The following IKZF2 variants were observed in gnomAD, a reference collection of about 807,000 sequenced individuals.
IKZF2 encodes IKAROS family zinc finger 2.
A neutral mutation model predicts 49.2 loss-of-function variants in IKZF2; 15 were observed. That is an observed-to-expected ratio of 0.30 (90% CI 0.20 to 0.47). The LOEUF is 0.47. Among genes scored for constraint, IKZF2 ranks in the 20% least tolerant of loss-of-function variants. IKZF2 has a pLI of 1.00. For synonymous variants in IKZF2, 227 were observed against 221.4 expected, an observed-to-expected ratio of 1.03 and a Z score of -0.23; for missense variants, 567 against 664.6, an observed-to-expected ratio of 0.85 and a Z score of 1.61.
At chr2:213,145,573 G>T (rs984316103) in intron 4 of IKZF2, among the ~76,000 whole-genome samples, 2 of 151,966 alleles carry the variant, frequency 1.3e-5, no homozygotes, top group Non-Finnish European at 2.9e-5. Flanking sequence ...ATTAATAGAC[G>T]AGAGTTCCTC....
intron 4 of IKZF2, among the ~76,000 whole-genome samples, chr2:213,077,205 G>T (rs1005493491): frequency 3.9e-5 from 6 of 152,250 alleles, no homozygotes; most frequent in African/African-American, 1.4e-4. Context: ...TGATAATAGT[G>T]AACAAATAAG....
intron 6 of IKZF2, among the ~76,000 whole-genome samples, chr2:213,042,279 G>A (rs1033784707): frequency 6.6e-6 from 1 of 152,162 alleles, no homozygotes; most frequent in African/African-American, 2.4e-5. Flanking sequence ...TCCAGGGTCT[G>A]CCTGTGTGAC....
In IKZF2 at chr2:213,049,787, G is replaced by A. The variant is rs1430123351; in HGVS notation, c.500C>T (p.Pro167Leu). The change falls in exon 6 of 9, where the codon CCG becomes CTG. Residue 167 changes from proline (P) to leucine (L), a missense_variant. Transcript: ENST00000434687. The part of the protein sequence containing the change: ...RHIKLHSGEK[P>L]FKCPFCSYAC... ...GTAGCTACAGAAAGGACATTTGAAC[G>A]GCTTCTCTCCAGAGTGTAACTTTAT... 1 of 1,611,264 alleles carries A rather than the reference G, an allele frequency of 6.2e-7. No individual in the cohort carries two copies.
intron 4 of IKZF2, among the ~76,000 whole-genome samples, chr2:213,139,836 T>C (rs1371498181): frequency 1.3e-5 from 2 of 151,974 alleles, no homozygotes; most frequent in Non-Finnish European, 2.9e-5. Context: ...TTACACACAT[T>C]TGAAAAACTC....
At chr2:213,023,865 C>A (rs1385006585) in intron 6 of IKZF2, among the ~76,000 whole-genome samples, 1 of 152,114 alleles carries the variant, frequency 6.6e-6, no homozygotes, top group Non-Finnish European at 1.5e-5. Context: ...CTCTGTTGTA[C>A]TATGAGCATA....
intron 4 of IKZF2, among the ~76,000 whole-genome samples, chr2:213,142,730 C>T (rs2125961270): frequency 6.6e-6 from 1 of 152,068 alleles, no homozygotes; most frequent in East Asian, 1.9e-4. Flanking sequence ...CACTCACAGT[C>T]TACTGCTTCT....
chr2:213,097,978 CT>C (rs138456330), intron 4 of IKZF2: 3,634 of 306,302 alleles, frequency 0.012, 134 homozygotes, highest in African/African-American at 0.074. Context: ...TTAGAGAAAG[CT>C]TTTTTTACAA....
At chr2:213,040,070 A>G (rs1388061200) in intron 6 of IKZF2, among the ~76,000 whole-genome samples, 1 of 152,110 alleles carries the variant, frequency 6.6e-6, no homozygotes, top group Non-Finnish European at 1.5e-5. Context: ...TTTTTGAGCA[A>G]TACATAATTT....
intron 4 of IKZF2, among the ~76,000 whole-genome samples, chr2:213,124,252 G>GCGCACA (rs1270409984): frequency 1.5e-5 from 2 of 136,322 alleles, no homozygotes; most frequent in African/African-American, 5.4e-5. Context: ...GCGCGCGCGC[G>GCGCACA]CACACACACA....
rs780208805 is a variant in IKZF2, at chr2:213,006,970, T to G, written c.*390A>C. The G allele has an allele frequency of 6.1e-6, 1 of 164,670 alleles. No homozygotes were observed. The highest frequency in any genetic ancestry group is 1.3e-5 in the Non-Finnish European group (1 of 76,048). 10.2% of individuals were successfully genotyped at this position (164,670 alleles called of 1,614,324 possible). On this transcript the variant is annotated 3_prime_UTR_variant, in exon 9 of 9. Coordinates refer to ENST00000434687, the MANE Select transcript of IKZF2 (RefSeq NM_001387220.1). Reference sequence around the variant, plus strand: ...TACCATTTTTAAACCACCAAAGTCCTACCCAGAAAACTCTGAACTTTCCTG... The same window carrying G: ...TACCATTTTTAAACCACCAAAGTCCGACCCAGAAAACTCTGAACTTTCCTG...
chr2:213,150,905 T>C lies in IKZF2; in HGVS notation c.-120+508A>G, dbSNP rs114287184. Among the ~76,000 whole-genome samples the C allele has an allele frequency of 3.2e-5, 4 of 126,096 alleles. No homozygotes were observed. In the South Asian group the frequency reaches 7.9e-4, roughly 25 times the overall value. 82.7% of individuals were successfully genotyped at this position (126,096 alleles called of 152,430 possible). A position where few individuals can be genotyped will look rare whatever the true frequency, so the allele number is the denominator to read the frequency against. On this transcript the variant is annotated intron_variant, in intron 1 of 8. Transcript: ENST00000434687. ...ACATGTGTCATACCAGGGTTTTTGG[T>C]TTTTTTTTTTTTTTAATTCCAACAG...
chr2:213,008,846 T>C (rs896197536), intron 8 of IKZF2, among the ~76,000 whole-genome samples: 3 of 152,016 alleles, frequency 2.0e-5, no homozygotes, highest in Admixed American at 6.6e-5. Flanking sequence ...TAGGGTTAAG[T>C]TGGTTGATTC....
At chr2:213,134,209 G>A (rs2060575149) in intron 4 of IKZF2, among the ~76,000 whole-genome samples, 1 of 152,118 alleles carries the variant, frequency 6.6e-6, no homozygotes, top group African/African-American at 2.4e-5. Context: ...GACAAAAACT[G>A]GATGCAAAAC....
rs1694803036 is a variant in IKZF2 at position 213,000,508 on chromosome 2, A to C, written c.*6852T>G. Reference sequence around the variant, plus strand: ...ATGCAGAAATGCAGTAACTGCCTTTAAAAGAAATGCCAAAGAAATGTTATC... The same window carrying C: ...ATGCAGAAATGCAGTAACTGCCTTTCAAAGAAATGCCAAAGAAATGTTATC... On this transcript the variant is annotated 3_prime_UTR_variant, in exon 9 of 9. Coordinates refer to ENST00000434687, the MANE Select transcript of IKZF2 (RefSeq NM_001387220.1). The C allele has an allele frequency of 6.6e-6, 1 of 151,888 alleles. No homozygotes were observed. Among genetic ancestry groups the C allele is most frequent in the Admixed American group, 6.6e-5 (1 of 15,162 alleles). The allele number at this position is 151,888 out of a possible 1,614,324, so 9.4% of individuals were successfully genotyped here. A position where few individuals can be genotyped will look rare whatever the true frequency, so the allele number is the denominator to read the frequency against.
At chr2:213,090,305 C>G (rs754667791) in intron 4 of IKZF2, among the ~76,000 whole-genome samples, 22 of 152,162 alleles carry the variant, frequency 1.4e-4, no homozygotes, top group Non-Finnish European at 2.9e-5. Context: ...AATCTGCTCA[C>G]TAAAGTATAT....
intron 4 of IKZF2, among the ~76,000 whole-genome samples, chr2:213,131,591 G>C (rs901373345): frequency 1.1e-4 from 16 of 152,166 alleles, no homozygotes; most frequent in African/African-American, 3.9e-4. Context: ...TGGCTGAAAA[G>C]ATGTATATTT....
At chr2:213,110,417 T>A (rs796977923) in intron 4 of IKZF2, among the ~76,000 whole-genome samples, 11 of 152,004 alleles carry the variant, frequency 7.2e-5, no homozygotes, top group African/African-American at 2.6e-4. Context: ...GGGGTTTTTT[T>A]TACCCAACTT....
chr2:213,104,998 C>G lies in IKZF2; in HGVS notation c.139+42710G>C, dbSNP rs576403735. On this transcript the variant is annotated intron_variant, in intron 4 of 8. Transcript: ENST00000434687. ...CCAGGGACCTATGTGGAGCCAACAA[C>G]AAAGGTACTCCAGAGATTCCCTCCC... Among the ~76,000 whole-genome samples, 240 of 152,262 alleles carry G rather than the reference C, an allele frequency of 1.6e-3. 1 individual carries two copies. Among genetic ancestry groups the G allele is most frequent in the Non-Finnish European group, 3.0e-3 (202 of 68,008 alleles).
chr2:213,022,974 C>T (rs756325260), intron 6 of IKZF2, among the ~76,000 whole-genome samples: 1 of 152,076 alleles, frequency 6.6e-6, no homozygotes, highest in Non-Finnish European at 1.5e-5. Flanking sequence ...AAAATATAAT[C>T]TCTATGGAAA....
Sources: allele counts gnomAD v4.1 joint callset (sites outside exome capture counted in the v4.1 genomes callset), GRCh38; gene constraint gnomAD v4.1.1; transcripts MANE v1.5; gene names NCBI Gene and HGNC (gene_info 2026-07-23, HGNC 2026-07-21).